The following P4HA1 variants were observed in gnomAD, a reference collection of about 807,000 sequenced individuals.
P4HA1 encodes the protein prolyl 4-hydroxylase subunit alpha 1.
In P4HA1, 24 loss-of-function variants were observed where a neutral mutation model predicts 72.8. That is an observed-to-expected ratio of 0.33 (90% CI 0.24 to 0.46). P4HA1 has a LOEUF of 0.46. P4HA1 is among the 20% of genes least tolerant of loss of function. The pLI is 1.00. For synonymous variants in P4HA1, 201 were observed against 218.8 expected (o/e 0.92, Z 0.72); for missense variants, 446 against 640.6 (o/e 0.70, Z 3.28).
chr10:73,031,234 A>G (rs1435135557), intron 9 of P4HA1, among the ~76,000 whole-genome samples: 1 of 152,252 alleles, frequency 6.6e-6, no homozygotes, highest in Non-Finnish European at 1.5e-5. Flanking sequence ...CTGTAATCCC[A>G]GCACTTTGGG....
At chr10:73,022,244 C>T (rs1354067225) in intron 10 of P4HA1, among the ~76,000 whole-genome samples, 5 of 152,132 alleles carry the variant, frequency 3.3e-5, no homozygotes, top group South Asian at 4.1e-4. Context: ...CAGTAGGGGC[C>T]GACAGACACC....
intron 1 of P4HA1, among the ~76,000 whole-genome samples, 171 bp downstream of exon 1, chr10:73,096,595 G>A (rs974612267): frequency 1.1e-4 from 17 of 152,174 alleles, no homozygotes; most frequent in Non-Finnish European, 2.5e-4. Flanking sequence ...CGTGGCGCAG[G>A]GAGAGGGGCC....
At chr10:73,072,483 G>C (rs922443991) in intron 3 of P4HA1, among the ~76,000 whole-genome samples, 1 of 152,068 alleles carries the variant, frequency 6.6e-6, no homozygotes, top group Non-Finnish European at 1.5e-5. Flanking sequence ...AAAAATTTTA[G>C]ACTTAGGTCC....
At chr10:73,093,964 A>G (rs942224846) in intron 1 of P4HA1, among the ~76,000 whole-genome samples, 2 of 144,416 alleles carry the variant, frequency 1.4e-5, no homozygotes, top group African/African-American at 5.0e-5. Flanking sequence ...ATATATTCAT[A>G]TATTTATACA....
chr10:73,022,301 T>A (rs1254313033), intron 10 of P4HA1, among the ~76,000 whole-genome samples: 1 of 152,012 alleles, frequency 6.6e-6, no homozygotes, highest in African/African-American at 2.4e-5. Flanking sequence ...AGAGGAAGGA[T>A]CAGGCAGCAA....
intron 10 of P4HA1, among the ~76,000 whole-genome samples, chr10:73,019,163 T>C (rs1379929789): frequency 6.6e-6 from 1 of 152,156 alleles, no homozygotes; most frequent in African/African-American, 2.4e-5. Context: ...CACTGCAAAC[T>C]TCTCCAGCCT....
At chr10:73,063,936 G>C (rs191625577) in intron 5 of P4HA1, among the ~76,000 whole-genome samples, 2 of 152,170 alleles carry the variant, frequency 1.3e-5, no homozygotes, top group Admixed American at 1.3e-4. Context: ...GAAAAAGTAG[G>C]CAAGAAAACA....
chr10:73,056,739 G>A (rs111788161), intron 5 of P4HA1, among the ~76,000 whole-genome samples: 16 of 151,982 alleles, frequency 1.1e-4, no homozygotes, highest in African/African-American at 3.6e-4. Context: ...GATAACCAAC[G>A]ACAGTTCAAA....
chr10:73,030,487 C>A, intron 9 of P4HA1, 117 bp from the exon 10 acceptor site: 1 of 429,426 alleles, frequency 2.3e-6, no homozygotes, highest in Non-Finnish European at 4.0e-6. Context: ...TTACTGAAGG[C>A]ATTTAGTTCA....
At position 73,008,236 on chromosome 10, in the gene P4HA1, A is replaced by G. The variant is rs750366063; in HGVS notation, c.1591T>C (p.Ser531Pro). 1 of 1,605,930 alleles carries G rather than the reference A, an allele frequency of 6.2e-7. No homozygotes were observed. The highest frequency in any genetic ancestry group is 8.5e-7 in the Non-Finnish European group (1 of 1,172,888). ...AAGCCTGTTTGTCATTCCAATTCTGACAACGTACAAGGTCTTCGAAATTCT... is the reference window on the plus strand; with the variant it reads ...AAGCCTGTTTGTCATTCCAATTCTGGCAACGTACAAGGTCTTCGAAATTCT... ...GQEFRRPCTL[S>P]ELE is the part of the protein sequence containing the mutation. The change falls in exon 15 of 15, where the codon TCA becomes CCA. Residue 531 changes from serine (S) to proline (P), a missense_variant. Transcript: ENST00000394890.
At chr10:73,015,957 A>T (rs1204521157) in intron 11 of P4HA1, among the ~76,000 whole-genome samples, 2 of 152,016 alleles carry the variant, frequency 1.3e-5, no homozygotes, top group African/African-American at 4.8e-5. Flanking sequence ...TAGGCTATGA[A>T]TTTTTAATGT....
At chr10:73,095,053 G>A (rs762121688) in intron 1 of P4HA1, among the ~76,000 whole-genome samples, 8 of 151,942 alleles carry the variant, frequency 5.3e-5, no homozygotes, top group Non-Finnish European at 1.0e-4. Context: ...GTAAATCTAA[G>A]AAACATTTGT....
At chr10:73,031,277 A>C (rs1245117791) in intron 9 of P4HA1, among the ~76,000 whole-genome samples, 1 of 152,174 alleles carries the variant, frequency 6.6e-6, no homozygotes, top group Non-Finnish European at 1.5e-5. Context: ...TGAGGCCAGG[A>C]GTTTGAGACC....
chr10:73,057,561 T>C (rs1047443620), intron 5 of P4HA1, among the ~76,000 whole-genome samples: 1 of 152,154 alleles, frequency 6.6e-6, no homozygotes, highest in East Asian at 1.9e-4. Flanking sequence ...CTTGGAATTC[T>C]AGAAGAAGAG....
intron 1 of P4HA1, among the ~76,000 whole-genome samples, chr10:73,077,873 C>T (rs555362869): frequency 2.3e-4 from 35 of 150,612 alleles, no homozygotes; most frequent in African/African-American, 8.3e-4. Flanking sequence ...CCTGTGGTCC[C>T]AGCTACTTGG....
intron 1 of P4HA1, among the ~76,000 whole-genome samples, chr10:73,093,842 C>CAAAAAA (rs1157986784): frequency 7.1e-5 from 1 of 14,012 alleles, no homozygotes; most frequent in Non-Finnish European, 1.1e-4. Context: ...AACTCCATCT[C>CAAAAAA]AAAAAAAAAA....
At chr10:73,074,268 A>T (rs1376327254) in intron 2 of P4HA1, among the ~76,000 whole-genome samples, 1 of 152,190 alleles carries the variant, frequency 6.6e-6, no homozygotes, top group Non-Finnish European at 1.5e-5. Flanking sequence ...TGTTATTTAT[A>T]ACAGGATGCG....
At chr10:73,020,878 T>A (rs1443377127) in intron 10 of P4HA1, among the ~76,000 whole-genome samples, 1 of 152,228 alleles carries the variant, frequency 6.6e-6, no homozygotes, top group Non-Finnish European at 1.5e-5. Context: ...CTCACACCTG[T>A]AATTCCAGCA....
chr10:73,055,393 G>C (rs1012218825), intron 5 of P4HA1, among the ~76,000 whole-genome samples: 3 of 152,082 alleles, frequency 2.0e-5, no homozygotes, highest in Non-Finnish European at 4.4e-5. Flanking sequence ...TAGTCAAGAC[G>C]GGGTTTCACC....
Sources: gnomAD v4.1 joint callset for allele counts (sites outside exome capture counted in the v4.1 genomes callset) on GRCh38, gnomAD v4.1.1 for gene constraint, MANE v1.5 for transcripts, NCBI Gene and HGNC (gene_info 2026-07-23, HGNC 2026-07-21) for gene names.